The following CFAP74 variants were observed in gnomAD, a reference collection of about 807,000 sequenced individuals.
CFAP74 encodes the protein cilia and flagella associated protein 74.
Under a neutral mutation model 188.9 loss-of-function variants are expected in CFAP74, and 124 were observed. That is an observed-to-expected ratio of 0.66 (90% confidence interval 0.57 to 0.76). The LOEUF (loss-of-function observed/expected upper bound fraction) is 0.76, where lower values mean the gene tolerates loss of function less well. CFAP74 is among the 30% of genes least tolerant of loss of function. The pLI is 0.00. For synonymous variants in CFAP74, 956 were observed against 916.7 expected (o/e 1.04, Z -0.77); for missense variants, 2,198 against 2,165.2 (o/e 1.02, Z -0.30).
chr1:1,963,675 C>A, intron 14 of CFAP74, 74 bp downstream of exon 14: 1 of 940,086 alleles, frequency 1.1e-6, no homozygotes, highest in South Asian at 1.4e-5. Flanking sequence ...TCCAGCCGTT[C>A]TGAACATGAA....
chr1:1,966,309 G>A (rs928546743), intron 12 of CFAP74, 62 bp downstream of exon 12: 3 of 1,399,900 alleles, frequency 2.1e-6, no homozygotes, highest in Non-Finnish European at 1.9e-6. Flanking sequence ...GTGGGAGGTG[G>A]CGAGCCGGCG....
In CFAP74 at chr1:1,922,377, T is replaced by G; in HGVS notation, c.4830A>C (p.Pro1610=). 1 of 1,603,266 alleles carries G rather than the reference T, an allele frequency of 6.2e-7. No individual in the cohort carries two copies. Among genetic ancestry groups the G allele is most frequent in the Non-Finnish European group, 8.5e-7 (1 of 1,177,196 alleles). The change falls in exon 39 of 39, where the codon CCA becomes CCC. Residue 1610 remains proline (P), a synonymous_variant. Coordinates refer to ENST00000682832, the MANE Select transcript of CFAP74 (RefSeq NM_001304360.2). ...GCTGCAGCAGGGCCGACACCATGAG[T>G]GGGTGGTCTGGCTGGAACAGGAGGG... ...VPPADFDPDH[P]LMVSALLQLR...
chr1:1,932,094 C>CAAA (rs1421626192), intron 25 of CFAP74, among the ~76,000 whole-genome samples: 3 of 102,232 alleles, frequency 2.9e-5, no homozygotes, highest in Admixed American at 1.0e-4. Context: ...AAACAAAAAA[C>CAAA]AAAAAACTTA....
At position 1,922,284 on chromosome 1, in the gene CFAP74, G is replaced by C. The variant is rs766437419; in HGVS notation, c.*3C>G. 1 of 1,607,748 alleles carries C rather than the reference G, an allele frequency of 6.2e-7. No individual in the cohort carries two copies. Among genetic ancestry groups the C allele is most frequent in the Admixed American group, 1.7e-5 (1 of 58,876 alleles). ...AGGGCCCGAGGGTGCTCTGTGCAGA[G>C]GCTTAGGGGCCAGTCAACACCTGGG... On this transcript the variant is annotated 3_prime_UTR_variant, in exon 39 of 39. Transcript: ENST00000682832.
intron 12 of CFAP74, among the ~76,000 whole-genome samples, 154 bp downstream of exon 12, chr1:1,966,217 G>A (rs1030588638): frequency 1.3e-5 from 2 of 152,324 alleles, no homozygotes; most frequent in Non-Finnish European, 1.5e-5. Flanking sequence ...GGCGGGGGGC[G>A]TCCACACACA....
chr1:1,977,989 C>T (rs1227742983), intron 6 of CFAP74, among the ~76,000 whole-genome samples: 2 of 152,208 alleles, frequency 1.3e-5, no homozygotes, highest in East Asian at 1.9e-4. Flanking sequence ...GCTGGGATTA[C>T]AGGTGCACGC....
At chr1:2,001,334 G>T (rs1320150676) in intron 1 of CFAP74, among the ~76,000 whole-genome samples, 3 of 143,604 alleles carry the variant, frequency 2.1e-5, no homozygotes, top group Non-Finnish European at 4.6e-5. Flanking sequence ...TTTTCATTTT[G>T]TTTTTTTTTT....
intron 5 of CFAP74, among the ~76,000 whole-genome samples, 173 bp from the exon 6 acceptor site, chr1:1,985,663 C>T (rs370694203): frequency 5.5e-4 from 84 of 152,374 alleles, no homozygotes; most frequent in African/African-American, 1.9e-3. Context: ...TGCCCCTTTC[C>T]GCTGGGCAGG....
chr1:1,947,103 G>C (rs1165130523), intron 18 of CFAP74, 49 bp from the exon 19 acceptor site: 2 of 1,373,036 alleles, frequency 1.5e-6, no homozygotes, highest in South Asian at 1.2e-5. Context: ...GGTGGAGGCA[G>C]TGTGGCCCAG....
chr1:1,947,085 G>T, intron 18 of CFAP74, 31 bp from the exon 19 acceptor site: 4 of 1,504,142 alleles, frequency 2.7e-6, no homozygotes, highest in Non-Finnish European at 3.6e-6. Flanking sequence ...AGAGGTGAGG[G>T]TTGGCAGGGT....
intron 10 of CFAP74, among the ~76,000 whole-genome samples, chr1:1,969,505 C>T (rs1403108773): frequency 6.6e-6 from 1 of 151,888 alleles, no homozygotes; most frequent in African/African-American, 2.4e-5. Context: ...CTTCGCAGCC[C>T]AGTCCCCCAG....
chr1:1,963,435 C>T (rs961988585), intron 14 of CFAP74, among the ~76,000 whole-genome samples: 3 of 112,160 alleles, frequency 2.7e-5, no homozygotes, highest in East Asian at 2.7e-4. Context: ...CCAGCCTGGG[C>T]GACAGAGCAA....
At chr1:1,963,981 G>A (rs1655286094) in intron 13 of CFAP74, 114 bp from the exon 14 acceptor site, 2 of 728,344 alleles carry the variant, frequency 2.7e-6, no homozygotes, top group Middle Eastern at 2.9e-4. Flanking sequence ...ACTAGGGAGA[G>A]GTTCCCAGGG....
intron 26 of CFAP74, 141 bp from the exon 27 acceptor site, chr1:1,929,023 C>G (rs984999518): frequency 1.6e-6 from 1 of 613,806 alleles, no homozygotes; most frequent in African/African-American, 1.8e-5. Flanking sequence ...CGTGCCCCTT[C>G]AGGAAGCCCC....
chr1:1,971,942 C>A, intron 9 of CFAP74, 38 bp downstream of exon 9: 2 of 1,519,370 alleles, frequency 1.3e-6, no homozygotes, highest in Non-Finnish European at 1.8e-6. Context: ...CCCGGCAGGG[C>A]GCCAAGGGAG....
intron 25 of CFAP74, among the ~76,000 whole-genome samples, chr1:1,937,414 A>C (rs1462367756): frequency 6.6e-6 from 1 of 152,136 alleles, no homozygotes; most frequent in Non-Finnish European, 1.5e-5. Flanking sequence ...AATACATTTC[A>C]AGGACCACAG....
At chr1:1,989,156 C>T (rs1456101617) in intron 2 of CFAP74, among the ~76,000 whole-genome samples, 183 bp from the exon 3 acceptor site, 1 of 152,096 alleles carries the variant, frequency 6.6e-6, no homozygotes, top group African/African-American at 2.4e-5. Flanking sequence ...GGCGCTGGCG[C>T]CTTGAGAGAG....
intron 19 of CFAP74, 53 bp downstream of exon 19, chr1:1,946,937 G>T: frequency 7.3e-7 from 1 of 1,377,176 alleles, no homozygotes; most frequent in South Asian, 1.2e-5. Flanking sequence ...GCTGGGGGAA[G>T]GTGGGCGGTG....
chr1:1,994,434 T>C (rs1279057196), intron 1 of CFAP74, among the ~76,000 whole-genome samples: 2 of 152,300 alleles, frequency 1.3e-5, no homozygotes, highest in African/African-American at 4.8e-5. Flanking sequence ...GGATAAATTA[T>C]TAATGTATCA....
Sources: gnomAD v4.1 joint callset for allele counts (sites outside exome capture counted in the v4.1 genomes callset) on GRCh38, gnomAD v4.1.1 for gene constraint, MANE v1.5 for transcripts, NCBI Gene and HGNC (gene_info 2026-07-23, HGNC 2026-07-21) for gene names.